Variants in TMEM255B observed in about 807,000 individuals in gnomAD.
TMEM255B encodes the protein transmembrane protein 255B.
Under a neutral mutation model 34.5 loss-of-function variants are expected in TMEM255B, and 35 were observed. That is an observed-to-expected ratio of 1.01 (90% CI 0.77 to 1.34). TMEM255B has a LOEUF of 1.34. Among genes scored for constraint, TMEM255B ranks in the 40% most tolerant of loss-of-function variants. The pLI is 0.00. For synonymous variants in TMEM255B, 206 were observed against 201.2 expected (o/e 1.02, Z -0.20); for missense variants, 432 against 433.2 (o/e 1.00, Z 0.02).
chr13:113,779,457 G>C (rs1445756483), intron 3 of TMEM255B, among the ~76,000 whole-genome samples: 1 of 152,110 alleles, frequency 6.6e-6, no homozygotes, highest in Non-Finnish European at 1.5e-5. Context: ...TTTGTTCCCG[G>C]AAGCACTCTC....
At chr13:113,793,994 A>G (rs2050876745) in intron 3 of TMEM255B, among the ~76,000 whole-genome samples, 1 of 152,230 alleles carries the variant, frequency 6.6e-6, no homozygotes, top group Non-Finnish European at 1.5e-5. Context: ...TCCAGCGGGT[A>G]GCGTTAGAGC....
chr13:113,810,326 T>A (rs1012716432), intron 8 of TMEM255B, among the ~76,000 whole-genome samples: 1 of 152,140 alleles, frequency 6.6e-6, no homozygotes, highest in African/African-American at 2.4e-5. Flanking sequence ...TGATTAGAAG[T>A]TCCCCCTAGA....
chr13:113,760,125 G>C (rs562515530), intron 1 of TMEM255B, among the ~76,000 whole-genome samples: 1 of 152,294 alleles, frequency 6.6e-6, no homozygotes, highest in Non-Finnish European at 1.5e-5. Context: ...GGTGTCTAGG[G>C]GGCTCTGCCG....
intron 1 of TMEM255B, among the ~76,000 whole-genome samples, chr13:113,763,015 A>C (rs2050332953): frequency 6.6e-6 from 1 of 152,226 alleles, no homozygotes; most frequent in Non-Finnish European, 1.5e-5. Context: ...TTAAACAGTC[A>C]AAAGATTGGA....
intron 3 of TMEM255B, among the ~76,000 whole-genome samples, chr13:113,790,368 G>A (rs113234389): frequency 2.9e-5 from 3 of 103,382 alleles, no homozygotes; most frequent in African/African-American, 6.2e-5. Flanking sequence ...TGAACTGACT[G>A]GACACATGGA....
chr13:113,798,709 A>G (rs1196874674), intron 4 of TMEM255B, among the ~76,000 whole-genome samples: 2 of 146,592 alleles, frequency 1.4e-5, no homozygotes, highest in Non-Finnish European at 3.0e-5. Context: ...ATGGATGGAT[A>G]CATGGATGGA....
chr13:113,791,708 G>C (rs903251590), intron 3 of TMEM255B, among the ~76,000 whole-genome samples: 1 of 152,234 alleles, frequency 6.6e-6, no homozygotes, highest in African/African-American at 2.4e-5. Flanking sequence ...AGGATGGGTC[G>C]AGCGAAAGAA....
intron 3 of TMEM255B, among the ~76,000 whole-genome samples, chr13:113,777,942 C>G (rs1268782516): frequency 6.6e-6 from 1 of 152,214 alleles, no homozygotes; most frequent in Non-Finnish European, 1.5e-5. Context: ...GCTGCGTGGT[C>G]TCTGGGGGTT....
intron 1 of TMEM255B, 137 bp downstream of exon 1, chr13:113,759,452 T>A: frequency 6.4e-6 from 5 of 779,128 alleles, no homozygotes; most frequent in Non-Finnish European, 7.0e-6. Flanking sequence ...CTCCGCCTCC[T>A]TCGAGCTCTG....
chr13:113,801,610 C>T, intron 6 of TMEM255B, 43 bp from the exon 7 acceptor site: 2 of 1,544,092 alleles, frequency 1.3e-6, no homozygotes, highest in Non-Finnish European at 1.8e-6. Context: ...TGCGGGTGGT[C>T]ACTTGCCTCG....
chr13:113,786,333 C>T (rs560921703), intron 3 of TMEM255B, among the ~76,000 whole-genome samples: 2 of 151,484 alleles, frequency 1.3e-5, no homozygotes, highest in Admixed American at 1.3e-4. Flanking sequence ...ATCACCATCC[C>T]CATCACCATC....
Position 113,783,960 on chromosome 13 carries a change from T to C in TMEM255B, c.253-11188T>C, listed in dbSNP as rs145662844. Reference sequence around the variant, plus strand: ...TAGGCAGGCCTGAATATAGGGAACCTCTTGTCATTTGCTGCTCCTGGTTAT... The same window carrying C: ...TAGGCAGGCCTGAATATAGGGAACCCCTTGTCATTTGCTGCTCCTGGTTAT... On this transcript the variant is annotated intron_variant, in intron 3 of 8. Transcript: ENST00000375353. 2.3e-4 allele frequency among the ~76,000 whole-genome samples: 35 copies of C among 152,252 alleles called. 2 individuals are homozygous for C. The East Asian group carries it at 6.8e-3, about 29-fold the overall frequency.
At chr13:113,800,947 G>A (rs762528532) in intron 6 of TMEM255B, 35 bp downstream of exon 6, 3 of 1,221,866 alleles carry the variant, frequency 2.5e-6, no homozygotes, top group Non-Finnish European at 3.4e-6. Context: ...ATCTACACCT[G>A]CGGGAGGTGA....
Position 113,815,644 on chromosome 13 carries a change from C to G in TMEM255B, c.*3741C>G, listed in dbSNP as rs2138597817. 6.5e-6 allele frequency: 1 copy of G among 153,626 alleles called. No individual in the cohort carries two copies. Among genetic ancestry groups the G allele is most frequent in the African/African-American group, 2.4e-5 (1 of 41,578 alleles). 9.5% of individuals were successfully genotyped at this position (153,626 alleles called of 1,614,324 possible). ...CTTGCTCCTGCCGTGTAAGAAGTGC[C>G]TTTTGCCTCCCACCGTGATTCTGAG... is the stretch of plus-strand genomic sequence containing the variant. On this transcript the variant is annotated 3_prime_UTR_variant, in exon 9 of 9. Transcript: ENST00000375353.
intron 3 of TMEM255B, among the ~76,000 whole-genome samples, chr13:113,783,636 G>C (rs1421660109): frequency 2.0e-5 from 3 of 152,194 alleles, no homozygotes; most frequent in African/African-American, 7.2e-5. Flanking sequence ...TTCAACCCCA[G>C]CTACTTCCTG....
intron 6 of TMEM255B, 25 bp from the exon 7 acceptor site, chr13:113,801,628 A>G: frequency 1.9e-6 from 3 of 1,567,452 alleles, no homozygotes; most frequent in Non-Finnish European, 2.6e-6. Context: ...TCGTGCGGTG[A>G]CGCCATGGTG....
At chr13:113,776,132 G>T (rs72672426) in intron 3 of TMEM255B, among the ~76,000 whole-genome samples, 1 of 152,062 alleles carries the variant, frequency 6.6e-6, no homozygotes, top group Non-Finnish European at 1.5e-5. Flanking sequence ...ACCCTGTCCC[G>T]TCCCCCACTC....
At position 113,765,986 on chromosome 13, in the gene TMEM255B, G is replaced by C. The variant is rs954515804; in HGVS notation, c.47-129G>C. The C allele has an allele frequency of 8.2e-6, 10 of 1,217,506 alleles. No homozygotes were observed. In the Admixed American group the frequency reaches 2.2e-4, roughly 27 times the overall value. 75.4% of individuals were successfully genotyped at this position (1,217,506 alleles called of 1,614,324 possible). On this transcript the variant is annotated intron_variant, in intron 1 of 8. Coordinates refer to ENST00000375353, the MANE Select transcript of TMEM255B (RefSeq NM_182614.4). ...AGGTTGGGGGTGGTCCCCTGAGGTG[G>C]GCCTGGAGGCAGGCGGGGATAGTGC...
intron 7 of TMEM255B, among the ~76,000 whole-genome samples, chr13:113,802,773 C>T (rs1247108156): frequency 6.7e-6 from 1 of 148,534 alleles, no homozygotes; most frequent in Non-Finnish European, 1.5e-5. Flanking sequence ...ACCCTGGCAT[C>T]CCGAGGTCCA....
Sources: allele counts gnomAD v4.1 joint callset (sites outside exome capture counted in the v4.1 genomes callset), GRCh38; gene constraint gnomAD v4.1.1; transcripts MANE v1.5; gene names NCBI Gene and HGNC (gene_info 2026-07-23, HGNC 2026-07-21).